Variants in DNAH8 observed in about 807,000 individuals in gnomAD.
The protein encoded by DNAH8 is dynein axonemal heavy chain 8.
A neutral mutation model predicts 562.1 loss-of-function variants in DNAH8; 382 were observed. The observed-to-expected ratio is 0.68, with a 90% confidence interval of 0.63 to 0.74. The LOEUF is 0.74. Among genes scored for constraint, DNAH8 ranks in the 30% least tolerant of loss-of-function variants. DNAH8 has a pLI of 0.00. For synonymous variants in DNAH8, 1,881 were observed against 1,919.4 expected (o/e 0.98, Z 0.52); for missense variants, 5,203 against 5,620.4 (o/e 0.93, Z 2.37).
At chr6:38,726,921 G>A (rs544649840) in intron 3 of DNAH8, among the ~76,000 whole-genome samples, 104 of 137,546 alleles carry the variant, frequency 7.6e-4, no homozygotes, top group African/African-American at 2.8e-3. Flanking sequence ...GCAGTGGCAC[G>A]ATCTCAGCTC....
In DNAH8 at chr6:38,924,052, A is replaced by G. The variant is rs1781922960; in HGVS notation, c.10852A>G (p.Ile3618Val). 3 of 1,613,780 alleles carry G rather than the reference A, an allele frequency of 1.9e-6. No homozygotes were observed. The highest frequency in any genetic ancestry group is 1.1e-5 in the South Asian group (1 of 91,076). Residue 3618 changes from isoleucine to valine, a missense_variant, in exon 73 of 93, where the codon ATA becomes GTA. Physicochemically the swap from Ile to Val is conservative, Grantham distance 29 (BLOSUM62 3). Coordinates refer to ENST00000327475, the MANE Select transcript of DNAH8 (RefSeq NM_001206927.2). ...FLSYLGPFNQIFRNYLLKDQW... is the reference protein window; with the variant it reads ...FLSYLGPFNQVFRNYLLKDQW... Reference sequence around the variant, plus strand: ...TTCCTACCTTGGTCCTTTCAATCAGATATTTAGGAACTATTTGCTTAAAGA... The same window carrying G: ...TTCCTACCTTGGTCCTTTCAATCAGGTATTTAGGAACTATTTGCTTAAAGA...
chr6:38,857,765 T>A (rs772177350), intron 42 of DNAH8, 23 bp downstream of exon 42: 2 of 1,440,056 alleles, frequency 1.4e-6, no homozygotes, highest in Admixed American at 3.6e-5. Flanking sequence ...TTTTTTTAAT[T>A]TAGTGTACTA....
chr6:38,909,166 A>T (rs4714197), intron 64 of DNAH8, among the ~76,000 whole-genome samples: 98,453 of 152,044 alleles, frequency 0.65, 32,890 homozygotes, highest in East Asian at 0.83. Context: ...GTCTAAGTTG[A>T]TTCCTTTTTA....
intron 65 of DNAH8, 81 bp from the exon 66 acceptor site, chr6:38,911,387 C>T (rs1312689551): frequency 2.0e-6 from 2 of 1,022,558 alleles, no homozygotes; most frequent in African/African-American, 3.2e-5. Context: ...CATGATCACA[C>T]TGATTTCACC....
intron 91 of DNAH8, among the ~76,000 whole-genome samples, chr6:39,025,940 C>T (rs2894418): frequency 0.9 from 136,674 of 152,292 alleles, 61,553 homozygotes; most frequent in African/African-American, 0.98. Flanking sequence ...ATATTAACTT[C>T]AAAGAAAAGC....
At chr6:38,807,397 T>G (rs1771377098) in intron 23 of DNAH8, among the ~76,000 whole-genome samples, 1 of 152,222 alleles carries the variant, frequency 6.6e-6, no homozygotes, top group African/African-American at 2.4e-5. Flanking sequence ...TGCTAGGGTG[T>G]TTATGCAAAC....
At chr6:38,883,283 G>A (rs755371065) in intron 54 of DNAH8, 39 bp from the exon 55 acceptor site, 4 of 1,564,932 alleles carry the variant, frequency 2.6e-6, no homozygotes, top group Admixed American at 4.0e-5. Context: ...AACTAAATAA[G>A]TTGTAACACA....
At chr6:38,824,771 C>A (rs935355850) in intron 28 of DNAH8, among the ~76,000 whole-genome samples, 1 of 151,766 alleles carries the variant, frequency 6.6e-6, no homozygotes, top group Non-Finnish European at 1.5e-5. Context: ...TAGTACCTGG[C>A]GTATGATTGA....
chr6:38,802,964 A>G (rs1770911027), intron 21 of DNAH8, among the ~76,000 whole-genome samples: 1 of 152,200 alleles, frequency 6.6e-6, no homozygotes, highest in Non-Finnish European at 1.5e-5. Context: ...TCAAAGATGG[A>G]CTTTTTCATC....
rs1045042421 is a variant in DNAH8 at position 38,796,780 on chromosome 6, C to T, written c.2901+5106C>T. ...TTAAAAGGGACAGCAATTGCTCACT[C>T]GGGGAGCTCGGTTTTTGGAGACATG... On this transcript the variant is annotated intron_variant, in intron 21 of 92. Coordinates refer to ENST00000327475, the MANE Select transcript of DNAH8 (RefSeq NM_001206927.2). Among the ~76,000 whole-genome samples, 7 of 152,102 alleles carry T rather than the reference C, an allele frequency of 4.6e-5. No homozygotes were observed. In the East Asian group the frequency reaches 5.8e-4, roughly 13 times the overall value.
chr6:38,781,440 C>A, intron 16 of DNAH8, 67 bp downstream of exon 16: 1 of 1,459,742 alleles, frequency 6.9e-7, no homozygotes, highest in East Asian at 2.3e-5. Flanking sequence ...ATATCATATC[C>A]TATAATATTT....
Position 38,790,384 on chromosome 6 carries a change from G to A in DNAH8, c.2760G>A (p.Met920Ile). 1 of 1,583,800 alleles carries A rather than the reference G, an allele frequency of 6.3e-7. No homozygotes were observed. The highest frequency in any genetic ancestry group is 8.6e-7 in the Non-Finnish European group (1 of 1,158,540). The change falls in exon 20 of 93, where the codon ATG becomes ATA. Residue 920 changes from methionine (M) to isoleucine (I), a missense_variant. Around this residue, in one of 6 missense-constraint regions of DNAH8, gnomAD observed 2,176 missense variants for 2,365.1 expected, o/e 0.92. Transcript: ENST00000327475. ...FFQEVELVLDMFNQLLKKISD... is the reference protein window; with the variant it reads ...FFQEVELVLDIFNQLLKKISD... ...AAGAAGTCGAATTAGTTTTGGATAT[G>A]TTCAATCAACTTTTAAAGAAGGTAT...
intron 24 of DNAH8, among the ~76,000 whole-genome samples, chr6:38,813,326 G>C (rs957332139): frequency 1.3e-5 from 2 of 151,984 alleles, no homozygotes; most frequent in Non-Finnish European, 2.9e-5. Context: ...GTTTATCTGG[G>C]AACCATTGGC....
At chr6:38,823,427 C>A in intron 27 of DNAH8, 135 bp from the exon 28 acceptor site, 1 of 660,610 alleles carries the variant, frequency 1.5e-6, no homozygotes, top group East Asian at 2.6e-5. Context: ...GGTGGACACC[C>A]TATTTCTTAC....
chr6:38,759,408 T>C (rs1411181750), intron 10 of DNAH8, among the ~76,000 whole-genome samples: 1 of 152,162 alleles, frequency 6.6e-6, no homozygotes, highest in Non-Finnish European at 1.5e-5. Context: ...TAACGAAATA[T>C]ATAAAGTCAT....
chr6:38,874,621 A>T (rs1777848007), intron 52 of DNAH8, among the ~76,000 whole-genome samples: 1 of 151,926 alleles, frequency 6.6e-6, no homozygotes, highest in Non-Finnish European at 1.5e-5. Flanking sequence ...CTCCTGCCTC[A>T]GCCTCCTAAA....
intron 62 of DNAH8, among the ~76,000 whole-genome samples, chr6:38,904,387 G>T (rs1247174303): frequency 6.6e-6 from 1 of 152,132 alleles, no homozygotes; most frequent in Non-Finnish European, 1.5e-5. Context: ...GAATTCTGGG[G>T]TCTCCCAACA....
chr6:39,024,247 A>G (rs998918843), intron 91 of DNAH8, among the ~76,000 whole-genome samples: 2 of 152,230 alleles, frequency 1.3e-5, no homozygotes, highest in Non-Finnish European at 2.9e-5. Context: ...ATGGATGGTT[A>G]AGACCAGGAT....
At chr6:38,946,745 G>A (rs1761459139) in intron 80 of DNAH8, among the ~76,000 whole-genome samples, 2 of 152,114 alleles carry the variant, frequency 1.3e-5, no homozygotes, top group African/African-American at 4.8e-5. Flanking sequence ...GGGAAGCGGG[G>A]GTTGCAGTGA....
Sources: gnomAD v4.1 joint callset for allele counts (sites outside exome capture counted in the v4.1 genomes callset) on GRCh38, gnomAD v4.1.1 for gene constraint, gnomAD v4.1.1 regional missense constraint, MANE v1.5 for transcripts, NCBI Gene and HGNC (gene_info 2026-07-23, HGNC 2026-07-21) for gene names.